Variants in CFAP157 observed in about 807,000 individuals in gnomAD.
CFAP157 encodes the protein cilia and flagella associated protein 157.
Under a neutral mutation model 57.8 loss-of-function variants are expected in CFAP157, and 43 were observed. The ratio of observed to expected loss-of-function variants is 0.74; its 90% confidence interval spans 0.58 to 0.96. The LOEUF is 0.96. CFAP157 is among the 40% of genes least tolerant of loss of function. CFAP157 has a pLI of 0.00. For missense variants in CFAP157, 606 were observed against 655.3 expected, an observed-to-expected ratio of 0.92 and a Z score of 0.82; for synonymous variants, 267 against 269.0, an observed-to-expected ratio of 0.99 and a Z score of 0.07.
intron 4 of CFAP157, 149 bp downstream of exon 4, chr9:127,711,645 T>C: frequency 8.3e-7 from 1 of 1,199,942 alleles, no homozygotes; most frequent in Non-Finnish European, 1.2e-6. Context: ...GGCTGCAGGG[T>C]GCTGGGCCTA....
intron 4 of CFAP157, 79 bp from the exon 5 acceptor site, chr9:127,711,741 G>A (rs1842769661): frequency 2.0e-6 from 3 of 1,483,650 alleles, no homozygotes; most frequent in African/African-American, 2.8e-5. Context: ...TCTGCATAGG[G>A]GAACACGGGA....
intron 4 of CFAP157, 99 bp from the exon 5 acceptor site, chr9:127,711,720 TC>T: frequency 7.3e-7 from 1 of 1,363,154 alleles, no homozygotes; most frequent in Non-Finnish European, 1.0e-6. Flanking sequence ...CCTGGAGAGC[TC>T]ACTGGCCGCT....
chr9:127,712,458 T>A, intron 6 of CFAP157, 109 bp downstream of exon 6: 1 of 1,487,180 alleles, frequency 6.7e-7, no homozygotes, highest in Non-Finnish European at 9.0e-7. Context: ...CTCTTTTCCC[T>A]GAGAGACTCC....
At position 127,716,000 on chromosome 9, in the gene CFAP157, T is replaced by C; in HGVS notation, c.*2095T>C. 3 of 1,153,122 alleles carry C rather than the reference T, an allele frequency of 2.6e-6. No homozygotes were observed. The highest frequency in any genetic ancestry group is 3.8e-6 in the Non-Finnish European group (3 of 789,542). The allele number at this position is 1,153,122 out of a possible 1,614,324, so 71.4% of individuals were successfully genotyped here. On this transcript the variant is annotated 3_prime_UTR_variant, in exon 9 of 9. Transcript: ENST00000373295. This position sits in a 1 kb window ranked among gnomAD's most constrained non-coding sequence, Gnocchi z 5.8. ...CTCCAGCTAATAAAAGTTTTCTACC[T>C]CCCTCCGGCTCAAAAAGCTTGGTTC...
rs1393579060 is a variant in CFAP157, at chr9:127,715,313, G to A, written c.*1408G>A. 3 of 1,329,158 alleles carry A rather than the reference G, an allele frequency of 2.3e-6. No individual in the cohort carries two copies. Among genetic ancestry groups the A allele is most frequent in the Admixed American group, 2.0e-5 (1 of 50,730 alleles). The allele number at this position is 1,329,158 out of a possible 1,614,324, so 82.3% of individuals were successfully genotyped here. A position where few individuals can be genotyped will look rare whatever the true frequency, so the allele number is the denominator to read the frequency against. ...GCAGAGCAACGCTGCAGTGGGGAAG[G>A]GGCGCGAAGAAGGGGCCCAGAAACC... On this transcript the variant is annotated 3_prime_UTR_variant, in exon 9 of 9. Transcript: ENST00000373295. This position sits in a 1 kb window ranked among gnomAD's most constrained non-coding sequence, Gnocchi z 5.8.
chr9:127,711,575 C>T, intron 4 of CFAP157, 79 bp downstream of exon 4: 1 of 1,527,722 alleles, frequency 6.5e-7, no homozygotes, highest in South Asian at 1.2e-5. Flanking sequence ...GGGGTAGAGT[C>T]AGGGGCAGTC....
At position 127,714,070 on chromosome 9, in the gene CFAP157, C is replaced by T. The variant is rs758116458; in HGVS notation, c.*165C>T. 1.2e-5 allele frequency: 19 copies of T among 1,605,458 alleles called. No individual in the cohort carries two copies. In the Admixed American group the frequency reaches 2.0e-4, roughly 17 times the overall value. ...GCAGTGGCTGGGTTGGTGGGCACTA[C>T]AGTCAGGCAGGCAGCCATGGCCACT... On this transcript the variant is annotated 3_prime_UTR_variant, in exon 9 of 9. Transcript: ENST00000373295.
chr9:127,709,001 C>T lies in CFAP157; in HGVS notation c.162-421C>T, dbSNP rs1842705662. On this transcript the variant is annotated intron_variant, in intron 1 of 8. Transcript: ENST00000373295. This position sits in a 1 kb window ranked among gnomAD's most constrained non-coding sequence, Gnocchi z 4.7. ...TCAGGTTCAAGTCCTGGCTGTGCCA[C>T]TTACAAACTCAGAGTTCCTTTATCC... Among the ~76,000 whole-genome samples, 1 of 152,240 alleles carries T rather than the reference C, an allele frequency of 6.6e-6. No homozygotes were observed. Among genetic ancestry groups the T allele is most frequent in the African/African-American group, 2.4e-5 (1 of 41,462 alleles).
Position 127,707,030 on chromosome 9 carries a change from C to T in CFAP157, c.-2C>T. On this transcript the variant is annotated 5_prime_UTR_variant, in exon 1 of 9. Coordinates refer to ENST00000373295, the MANE Select transcript of CFAP157 (RefSeq NM_001012502.3). The stretch of plus-strand genomic sequence containing the variant: ...GGCCTGGAGCCCTGGTTGCCATCAG[C>T]CATGGCTCCCAAAAAGAGTGTGAGC... 6.2e-7 allele frequency: 1 copy of T among 1,613,592 alleles called. No homozygotes were observed. The highest frequency in any genetic ancestry group is 8.5e-7 in the Non-Finnish European group (1 of 1,179,788).
In CFAP157 at chr9:127,715,798, G is replaced by A; in HGVS notation, c.*1893G>A. 2 of 1,425,504 alleles carry A rather than the reference G, an allele frequency of 1.4e-6. No individual in the cohort carries two copies. The highest frequency in any genetic ancestry group is 9.4e-7 in the Non-Finnish European group (1 of 1,066,108). The allele number at this position is 1,425,504 out of a possible 1,614,324, so 88.3% of individuals were successfully genotyped here. On this transcript the variant is annotated 3_prime_UTR_variant, in exon 9 of 9. Transcript: ENST00000373295. The surrounding 1 kb of genome is among the most constrained non-coding windows in gnomAD (Gnocchi z 5.8). ...GCGGAAGCGGCGAGGCGGTGGCCGA[G>A]TCCGGGAACCCAGGCGCCTTCAGTA...
chr9:127,707,777 ATTT>A, intron 1 of CFAP157, among the ~76,000 whole-genome samples: 1 of 152,250 alleles, frequency 6.6e-6, no homozygotes, highest in East Asian at 1.9e-4. Flanking sequence ...CCTGCCCGTC[ATTT>A]TCTTATGTTA....
rs1842838117 is a variant in CFAP157 at position 127,714,111 on chromosome 9, G to C, written c.*206G>C. The C allele has an allele frequency of 6.2e-7, 1 of 1,613,018 alleles. No individual in the cohort carries two copies. Among genetic ancestry groups the C allele is most frequent in the East Asian group, 2.2e-5 (1 of 44,866 alleles). ...CATGGCCACTAGTGTCACGGCCCCA[G>C]TGAGGGCCCCTGGCTTCGCTCACGG... On this transcript the variant is annotated 3_prime_UTR_variant, in exon 9 of 9. Transcript: ENST00000373295.
Position 127,714,067 on chromosome 9 carries a change from C to G in CFAP157, c.*162C>G. The G allele has an allele frequency of 6.2e-7, 1 of 1,605,556 alleles. No homozygotes were observed. The highest frequency in any genetic ancestry group is 8.5e-7 in the Non-Finnish European group (1 of 1,176,170). ...GTGGCAGTGGCTGGGTTGGTGGGCA[C>G]TACAGTCAGGCAGGCAGCCATGGCC... On this transcript the variant is annotated 3_prime_UTR_variant, in exon 9 of 9. Transcript: ENST00000373295.
Position 127,711,951 on chromosome 9 carries a change from G to A in CFAP157, c.986+1G>A, listed in dbSNP as rs374798769. ...TGCAGGTGGATAACCAGGCACTGAA[G>A]TGCGTATGGCCCACGGAGGGGCGGG... On this transcript the variant is annotated splice_donor_variant, in intron 5 of 8. Coordinates refer to ENST00000373295, the MANE Select transcript of CFAP157 (RefSeq NM_001012502.3). LOFTEE classifies it high-confidence loss of function. 22 of 1,605,416 alleles carry A rather than the reference G, an allele frequency of 1.4e-5. No homozygotes were observed. Among genetic ancestry groups the A allele is most frequent in the Non-Finnish European group, 1.9e-5 (22 of 1,177,624 alleles).
chr9:127,713,371 G>A (rs762031319), intron 8 of CFAP157, 165 bp downstream of exon 8: 4 of 575,652 alleles, frequency 6.9e-6, no homozygotes, highest in Non-Finnish European at 1.2e-5. Flanking sequence ...AAGCCTCAAT[G>A]GGCCAAAGCA....
At position 127,715,845 on chromosome 9, in the gene CFAP157, T is replaced by A; in HGVS notation, c.*1940T>A. ...AGTAGCGCGGCGTCACAGTGTCCCT[T>A]CGGGACTTGTGTGGGACGCTCGGAG... On this transcript the variant is annotated 3_prime_UTR_variant, in exon 9 of 9. Coordinates refer to ENST00000373295, the MANE Select transcript of CFAP157 (RefSeq NM_001012502.3). This position sits in a 1 kb window ranked among gnomAD's most constrained non-coding sequence, Gnocchi z 5.8. 2.0e-6 allele frequency: 2 copies of A among 1,022,342 alleles called. No individual in the cohort carries two copies. Among genetic ancestry groups the A allele is most frequent in the Non-Finnish European group, 2.8e-6 (2 of 705,650 alleles). The allele number at this position is 1,022,342 out of a possible 1,614,324, so 63.3% of individuals were successfully genotyped here.
intron 1 of CFAP157, among the ~76,000 whole-genome samples, chr9:127,707,534 C>T (rs1410849773): frequency 2.0e-5 from 3 of 152,096 alleles, no homozygotes; most frequent in Admixed American, 6.5e-5. Flanking sequence ...CTCTGGCAGG[C>T]GGGTGGACCC....
At chr9:127,710,020 C>T (rs1842727363) in intron 2 of CFAP157, among the ~76,000 whole-genome samples, 1 of 152,180 alleles carries the variant, frequency 6.6e-6, no homozygotes, top group Admixed American at 6.5e-5. Context: ...GCCTGTAAAA[C>T]CCTGTGCTTT....
In CFAP157 at chr9:127,715,958, G is replaced by A. The variant is rs1842972957; in HGVS notation, c.*2053G>A. On this transcript the variant is annotated 3_prime_UTR_variant, in exon 9 of 9. Transcript: ENST00000373295. The surrounding 1 kb of genome is among the most constrained non-coding windows in gnomAD (Gnocchi z 5.8). ...CGAAAATCTGGCAAGTCCTTTCCCC[G>A]CTGTAGGCCTCAACCTCTCCAGCTA... is the stretch of plus-strand genomic sequence containing the variant. 2.3e-6 allele frequency: 2 copies of A among 867,890 alleles called. No homozygotes were observed. Among genetic ancestry groups the A allele is most frequent in the African/African-American group, 1.7e-5 (1 of 59,398 alleles). The allele number at this position is 867,890 out of a possible 1,614,324, so 53.8% of individuals were successfully genotyped here. A position where few individuals can be genotyped will look rare whatever the true frequency, so the allele number is the denominator to read the frequency against.
Sources: gnomAD v4.1 joint callset for allele counts (sites outside exome capture counted in the v4.1 genomes callset) on GRCh38, gnomAD v4.1.1 for gene constraint, Gnocchi (gnomAD v3.1) non-coding constraint, MANE v1.5 for transcripts, NCBI Gene and HGNC (gene_info 2026-07-23, HGNC 2026-07-21) for gene names.